TEX11: variants seen among roughly 807,000 people sequenced by gnomAD.
TEX11 encodes the protein testis expressed 11, also known as testis-expressed protein 11.
Under a neutral mutation model 84.4 loss-of-function variants are expected in TEX11, and 7 were observed. That is an observed-to-expected ratio of 0.08 (90% CI 0.05 to 0.16). The LOEUF is 0.16. Among genes scored for constraint, TEX11 ranks in the 10% least tolerant of loss-of-function variants. The probability of loss-of-function intolerance (pLI) is 1.00; values close to 1 mark genes in which losing one functional copy is unlikely to be tolerated. For missense variants in TEX11, 551 were observed against 660.5 expected, an observed-to-expected ratio of 0.83 and a Z score of 1.82; for synonymous variants, 264 against 222.8, an observed-to-expected ratio of 1.18 and a Z score of -1.64.
intron 7 of TEX11, among the ~76,000 whole-genome samples, chrX:70,842,313 A>G (rs1416483137): frequency 4.5e-5 from 5 of 111,563 alleles, no homozygotes; most frequent in Admixed American, 9.6e-5. Flanking sequence ...CCTGGGATGC[A>G]AGGCTGATTC....
At chrX:70,660,356 TA>T (rs2089912691) in intron 16 of TEX11, among the ~76,000 whole-genome samples, 1 of 112,852 alleles carries the variant, frequency 8.9e-6, no homozygotes, top group Non-Finnish European at 1.9e-5. Flanking sequence ...TTTTAATATT[TA>T]AAAAACTTTT....
intron 25 of TEX11, among the ~76,000 whole-genome samples, chrX:70,569,390 CCTT>C (rs1384619831): frequency 8.9e-6 from 1 of 111,925 alleles, no homozygotes; most frequent in Non-Finnish European, 1.9e-5. Context: ...TTGTCTGAAG[CCTT>C]CTTCTCTCAC....
intron 9 of TEX11, among the ~76,000 whole-genome samples, chrX:70,780,497 G>A (rs983074851): frequency 1.1e-4 from 12 of 112,104 alleles, no homozygotes; most frequent in Middle Eastern, 4.6e-3. Flanking sequence ...CCAAAGCAGG[G>A]TGGAGCGTTG....
intron 7 of TEX11, among the ~76,000 whole-genome samples, chrX:70,834,529 G>A (rs2091394542): frequency 9.0e-6 from 1 of 111,498 alleles, no homozygotes; most frequent in South Asian, 3.8e-4. Context: ...GCCAAGGTGG[G>A]TGGATCACCT....
intron 15 of TEX11, among the ~76,000 whole-genome samples, chrX:70,671,632 T>C (rs2090022390): frequency 9.2e-6 from 1 of 108,645 alleles, no homozygotes; most frequent in Non-Finnish European, 1.9e-5. Context: ...AAAGGCCTTC[T>C]AAAAGAGAAT....
intron 13 of TEX11, among the ~76,000 whole-genome samples, chrX:70,697,953 G>C (rs1426973131): frequency 2.7e-5 from 3 of 111,857 alleles, no homozygotes; most frequent in Admixed American, 9.5e-5. Flanking sequence ...TGGATGAATA[G>C]TTAATTTTTA....
chrX:70,542,956 C>T (rs186793184), intron 28 of TEX11, among the ~76,000 whole-genome samples: 219 of 111,677 alleles, frequency 2.0e-3, no homozygotes, highest in African/African-American at 6.8e-3. Flanking sequence ...CCGAGGTGGG[C>T]GGATCACAAG....
chrX:70,542,396 C>G (rs146109623), intron 28 of TEX11, among the ~76,000 whole-genome samples: 31 of 111,114 alleles, frequency 2.8e-4, no homozygotes, highest in African/African-American at 9.8e-4. Context: ...TATGATCCAC[C>G]CACTCTATGG....
At chrX:70,518,866 T>C in the TEX11 span, among the ~76,000 whole-genome samples, 1 of 112,304 alleles carries the variant, frequency 8.9e-6, no homozygotes, top group Non-Finnish European at 1.9e-5. Flanking sequence ...TTTACCATTA[T>C]GTAATGGCCT....
At chrX:70,736,324 A>C (rs1331315130) in intron 11 of TEX11, among the ~76,000 whole-genome samples, 1 of 111,280 alleles carries the variant, frequency 9.0e-6, no homozygotes, top group Non-Finnish European at 1.9e-5. Context: ...AAGCAAGACA[A>C]CTAAGCCTAT....
chrX:70,549,560 G>A (rs1336892806), intron 28 of TEX11, among the ~76,000 whole-genome samples: 1 of 111,103 alleles, frequency 9.0e-6, no homozygotes, highest in Non-Finnish European at 1.9e-5. Flanking sequence ...TGAGTCCCAG[G>A]CCTGGCAGCA....
At chrX:70,756,567 A>G (rs1008448680) in intron 9 of TEX11, among the ~76,000 whole-genome samples, 1 of 112,097 alleles carries the variant, frequency 8.9e-6, no homozygotes. Flanking sequence ...AAGGAATAGC[A>G]CCAACATCAA....
At chrX:70,516,177 T>C in the TEX11 span, among the ~76,000 whole-genome samples, 5 of 112,516 alleles carry the variant, frequency 4.4e-5, no homozygotes, top group Non-Finnish European at 9.4e-5. Context: ...TTTGGTGTTT[T>C]AGTCATGAAG....
intron 24 of TEX11, among the ~76,000 whole-genome samples, chrX:70,597,502 C>T (rs2089023510): frequency 9.0e-6 from 1 of 111,657 alleles, no homozygotes; most frequent in Admixed American, 9.5e-5. Flanking sequence ...AACAATGGCA[C>T]GAAGATAATT....
chrX:70,532,352 T>A (rs754247042), intron 28 of TEX11, among the ~76,000 whole-genome samples: 2 of 112,073 alleles, frequency 1.8e-5, no homozygotes, highest in Admixed American at 9.5e-5. Flanking sequence ...GAGAGTGATA[T>A]GATGAAAGTG....
At chrX:70,623,889 T>A in intron 20 of TEX11, 61 bp downstream of exon 20, 1 of 993,872 alleles carries the variant, frequency 1.0e-6, no homozygotes, top group Non-Finnish European at 1.4e-6. Context: ...ATATGATTTA[T>A]ATTGTAAGTT....
At chrX:70,517,160 T>C in the TEX11 span, among the ~76,000 whole-genome samples, 1 of 111,651 alleles carries the variant, frequency 9.0e-6, no homozygotes, top group Non-Finnish European at 1.9e-5. Flanking sequence ...AACCCTATGT[T>C]GAATAGGACT....
intron 13 of TEX11, among the ~76,000 whole-genome samples, chrX:70,706,293 C>A (rs1445453382): frequency 9.9e-6 from 1 of 101,007 alleles, no homozygotes; most frequent in Non-Finnish European, 2.0e-5. Flanking sequence ...GAACATCACA[C>A]ACTGGGGCCT....
intron 5 of TEX11, among the ~76,000 whole-genome samples, chrX:70,859,580 C>CAA (rs760041212): frequency 1.2e-3 from 41 of 34,493 alleles, no homozygotes; most frequent in East Asian, 2.7e-3. Flanking sequence ...AGATCCTGTC[C>CAA]AAAAAAAAAA....
Sources: allele counts gnomAD v4.1 joint callset (sites outside exome capture counted in the v4.1 genomes callset), GRCh38; gene constraint gnomAD v4.1.1; transcripts MANE v1.5; gene names NCBI Gene and HGNC (gene_info 2026-07-23, HGNC 2026-07-21).